MAGI2: variants seen among roughly 807,000 people sequenced by gnomAD.
MAGI2 encodes membrane-associated guanylate kinase, WW and PDZ domain-containing protein 2.
In MAGI2, 35 loss-of-function variants were observed where a neutral mutation model predicts 133.3. The observed-to-expected ratio is 0.26, with a 90% confidence interval of 0.20 to 0.35. The LOEUF (loss-of-function observed/expected upper bound fraction) is 0.35. MAGI2 is among the 10% of genes least tolerant of loss of function. The pLI is 1.00. For synonymous variants in MAGI2, 729 were observed against 710.6 expected (o/e 1.03, Z -0.41); for missense variants, 1,636 against 1,863.4 (o/e 0.88, Z 2.25).
chr7:78,456,493 G>T (rs1313248070), intron 6 of MAGI2, among the ~76,000 whole-genome samples: 1 of 152,106 alleles, frequency 6.6e-6, no homozygotes, highest in African/African-American at 2.4e-5. Flanking sequence ...TAAGCATTGT[G>T]CCAGGCATTG....
chr7:78,233,175 G>C (rs533328665), intron 10 of MAGI2, among the ~76,000 whole-genome samples: 106 of 152,292 alleles, frequency 7.0e-4, no homozygotes, highest in African/African-American at 2.4e-3. Context: ...ATACAATCAT[G>C]TGGGTGGTCA....
At chr7:78,278,291 T>G (rs1458532691) in intron 9 of MAGI2, among the ~76,000 whole-genome samples, 1 of 152,150 alleles carries the variant, frequency 6.6e-6, no homozygotes, top group Non-Finnish European at 1.5e-5. Flanking sequence ...AAGAGTAGGT[T>G]TGGGAGTAGA....
intron 1 of MAGI2, among the ~76,000 whole-genome samples, chr7:79,235,683 G>A (rs113685711): frequency 0.02 from 3,056 of 152,186 alleles, 93 homozygotes; most frequent in African/African-American, 0.07. Flanking sequence ...ACTGACCTGC[G>A]CCCACTGTCT....
chr7:78,190,633 A>G (rs1584327754), intron 12 of MAGI2, among the ~76,000 whole-genome samples: 1 of 152,176 alleles, frequency 6.6e-6, no homozygotes, highest in African/African-American at 2.4e-5. Flanking sequence ...ATCAAATCAG[A>G]AATAAGTGGT....
intron 4 of MAGI2, 116 bp downstream of exon 4, chr7:78,521,314 T>C (rs1584483963): frequency 1.6e-6 from 1 of 623,146 alleles, no homozygotes; most frequent in East Asian, 2.8e-5. Flanking sequence ...AATATATATG[T>C]ATATATTTAT....
chr7:78,502,418 C>T lies in MAGI2; in HGVS notation c.755-631G>A, dbSNP rs764801172. 3.9e-5 allele frequency among the ~76,000 whole-genome samples: 6 copies of T among 152,112 alleles called. No individual in the cohort carries two copies. In the East Asian group the frequency reaches 5.8e-4, roughly 15 times the overall value. Reference sequence around the variant, plus strand: ...GAAATGGATTATTTCCTGGAGAATCCGGAAAGGAACACAGCTCTGCCAACA... The same window carrying T: ...GAAATGGATTATTTCCTGGAGAATCTGGAAAGGAACACAGCTCTGCCAACA... On this transcript the variant is annotated intron_variant, in intron 4 of 21. Transcript: ENST00000354212.
At chr7:78,162,751 A>T (rs924611371) in intron 15 of MAGI2, among the ~76,000 whole-genome samples, 1 of 152,092 alleles carries the variant, frequency 6.6e-6, no homozygotes, top group Non-Finnish European at 1.5e-5. Flanking sequence ...TCTTTAGCCA[A>T]ATGAGCATAT....
chr7:79,393,838 G>T (rs145578060), intron 1 of MAGI2, among the ~76,000 whole-genome samples: 44 of 152,202 alleles, frequency 2.9e-4, no homozygotes, highest in African/African-American at 9.9e-4. Context: ...GGCAGTTCCC[G>T]CTTCCCTAAA....
Position 78,384,512 on chromosome 7 carries a change from T to C in MAGI2, c.1046-15299A>G, listed in dbSNP as rs1047949708. Among the ~76,000 whole-genome samples, 5 of 152,226 alleles carry C rather than the reference T, an allele frequency of 3.3e-5. 1 individual carries two copies. Among genetic ancestry groups the C allele is most frequent in the African/African-American group, 1.2e-4 (5 of 41,470 alleles). ...CATAGGCTATTACATGTCATAGGCA[T>C]AATTCATCACAATTGATTTAAATAA... On this transcript the variant is annotated intron_variant, in intron 6 of 21. Coordinates refer to ENST00000354212, the MANE Select transcript of MAGI2 (RefSeq NM_012301.4).
At chr7:79,306,282 G>GTA (rs981167298) in intron 1 of MAGI2, among the ~76,000 whole-genome samples, 4 of 144,194 alleles carry the variant, frequency 2.8e-5, no homozygotes, top group Non-Finnish European at 6.0e-5. Flanking sequence ...TTATTTATAT[G>GTA]TATATATATT....
At chr7:78,788,066 C>G (rs1289185609) in intron 2 of MAGI2, among the ~76,000 whole-genome samples, 1 of 152,154 alleles carries the variant, frequency 6.6e-6, no homozygotes, top group Non-Finnish European at 1.5e-5. Flanking sequence ...CATGCCCTGA[C>G]AGATCCTGGA....
intron 2 of MAGI2, among the ~76,000 whole-genome samples, chr7:78,767,570 T>C (rs1345427633): frequency 6.6e-6 from 1 of 152,120 alleles, no homozygotes; most frequent in Admixed American, 6.5e-5. Context: ...CTTTTAAAAA[T>C]TGAAAAGAGA....
chr7:78,156,386 C>G (rs908428035), intron 16 of MAGI2, among the ~76,000 whole-genome samples: 4 of 152,124 alleles, frequency 2.6e-5, no homozygotes, highest in Non-Finnish European at 5.9e-5. Context: ...GTGGCTCTGA[C>G]TAATGGCTAA....
intron 1 of MAGI2, among the ~76,000 whole-genome samples, chr7:79,171,770 A>ATATATATATAT: frequency 4.8e-4 from 15 of 31,220 alleles, no homozygotes; most frequent in African/African-American, 9.7e-4. Flanking sequence ...ATATATATAT[A>ATATATATATAT]TTTTTTTTTT....
rs900997154 is a variant in MAGI2, at chr7:78,347,982, G to A, written c.1104-1939C>T. ...ACCAGAGTTTGATGCCTGTTTTCCC[G>A]TTTCTCCATTGTTACATAACTTCCT... On this transcript the variant is annotated intron_variant, in intron 7 of 21. Transcript: ENST00000354212. Among the ~76,000 whole-genome samples the A allele has an allele frequency of 1.2e-4, 18 of 152,132 alleles. 1 individual carries two copies. Among genetic ancestry groups the A allele is most frequent in the African/African-American group, 3.4e-4 (14 of 41,414 alleles).
At chr7:79,183,920 C>T (rs930023822) in intron 1 of MAGI2, among the ~76,000 whole-genome samples, 10 of 151,192 alleles carry the variant, frequency 6.6e-5, no homozygotes, top group Non-Finnish European at 1.3e-4. Context: ...TATTTGTATA[C>T]AGAATTTTTT....
chr7:78,760,044 A>G (rs886620661), intron 2 of MAGI2, among the ~76,000 whole-genome samples: 3 of 152,120 alleles, frequency 2.0e-5, no homozygotes, highest in African/African-American at 7.2e-5. Flanking sequence ...GAACCCTGAA[A>G]GGTGGAGGTT....
chr7:79,306,576 G>C (rs112805226), intron 1 of MAGI2, among the ~76,000 whole-genome samples: 4,232 of 152,070 alleles, frequency 0.028, 80 homozygotes, highest in African/African-American at 0.038. Context: ...ATTTGTCTCT[G>C]TTGAACTTTA....
intron 2 of MAGI2, among the ~76,000 whole-genome samples, chr7:78,672,909 A>G (rs959574468): frequency 6.6e-6 from 1 of 152,208 alleles, no homozygotes; most frequent in Non-Finnish European, 1.5e-5. Flanking sequence ...CTCTGGAAAC[A>G]TCTAGGGGGT....
Sources: allele counts gnomAD v4.1 joint callset (sites outside exome capture counted in the v4.1 genomes callset), GRCh38; gene constraint gnomAD v4.1.1; transcripts MANE v1.5; gene names NCBI Gene and HGNC (gene_info 2026-07-23, HGNC 2026-07-21).